The following PDSS2 variants were observed in gnomAD, a reference collection of about 807,000 sequenced individuals.
PDSS2 encodes all trans-polyprenyl-diphosphate synthase PDSS2.
A neutral mutation model predicts 44.5 loss-of-function variants in PDSS2; 31 were observed. The ratio of observed to expected loss-of-function variants is 0.70; its 90% CI spans 0.52 to 0.94. PDSS2 has a LOEUF of 0.94. PDSS2 is among the 40% of genes least tolerant of loss of function. The probability of loss-of-function intolerance (pLI) is 0.00; values close to 1 mark genes in which losing one functional copy is unlikely to be tolerated. For synonymous variants in PDSS2, 157 were observed against 180.3 expected (o/e 0.87, Z 1.03); for missense variants, 452 against 482.2 (o/e 0.94, Z 0.59).
chr6:107,165,738 C>G (rs1417612815), intron 7 of PDSS2, among the ~76,000 whole-genome samples: 7 of 152,178 alleles, frequency 4.6e-5, no homozygotes, highest in African/African-American at 1.7e-4. Context: ...GGCATTGAAT[C>G]TATAAATTAC....
chr6:107,391,083 A>G (rs990780008), intron 1 of PDSS2, among the ~76,000 whole-genome samples: 1 of 149,992 alleles, frequency 6.7e-6, no homozygotes, highest in Non-Finnish European at 1.5e-5. Context: ...ATTTGTGATT[A>G]AAAGACTTTT....
intron 2 of PDSS2, among the ~76,000 whole-genome samples, chr6:107,326,920 T>C (rs946681854): frequency 4.6e-5 from 7 of 152,196 alleles, no homozygotes; most frequent in African/African-American, 1.7e-4. Context: ...GTATCCATTA[T>C]GTATCCTGGC....
chr6:107,386,022 G>A (rs1779601313), intron 1 of PDSS2, among the ~76,000 whole-genome samples: 1 of 152,132 alleles, frequency 6.6e-6, no homozygotes. Flanking sequence ...TATGTTAAAT[G>A]AAGGTAAGTT....
At chr6:107,257,623 C>CT (rs1045174794) in intron 3 of PDSS2, among the ~76,000 whole-genome samples, 16 of 149,090 alleles carry the variant, frequency 1.1e-4, no homozygotes, top group African/African-American at 2.2e-4. Context: ...ATACAATTGG[C>CT]TTTTTTTTTT....
intron 1 of PDSS2, among the ~76,000 whole-genome samples, chr6:107,356,245 C>T (rs941180424): frequency 6.6e-6 from 1 of 152,204 alleles, no homozygotes; most frequent in Non-Finnish European, 1.5e-5. Flanking sequence ...AGTGTTTGAG[C>T]TGGTTATGAT....
rs1666278333 is a variant in PDSS2, at chr6:107,309,757, C to G, written c.431+24441G>C. On this transcript the variant is annotated intron_variant, in intron 2 of 7. Coordinates refer to ENST00000369037, the MANE Select transcript of PDSS2 (RefSeq NM_020381.4). ...ATTATTCTAATTATATTATTAATGG[C>G]ATATCTTAAGCTGTTACATGGCACT... 5.3e-5 allele frequency among the ~76,000 whole-genome samples: 8 copies of G among 152,154 alleles called. No homozygotes were observed. In the South Asian group the frequency reaches 1.7e-3, roughly 32 times the overall value.
chr6:107,184,127 C>T (rs12213684), intron 7 of PDSS2, among the ~76,000 whole-genome samples: 2 of 151,834 alleles, frequency 1.3e-5, no homozygotes, highest in Non-Finnish European at 2.9e-5. Flanking sequence ...ATGTAAAGTC[C>T]CAGGGTAGGA....
rs1770803138 is a variant in PDSS2, at chr6:107,154,198, C to A, written c.*421G>T. 1 of 204,048 alleles carries A rather than the reference C, an allele frequency of 4.9e-6. No individual in the cohort carries two copies. Among genetic ancestry groups the A allele is most frequent in the South Asian group, 8.9e-5 (1 of 11,286 alleles). The allele number at this position is 204,048 out of a possible 1,614,324, so 12.6% of individuals were successfully genotyped here. On this transcript the variant is annotated 3_prime_UTR_variant, in exon 8 of 8. Coordinates refer to ENST00000369037, the MANE Select transcript of PDSS2 (RefSeq NM_020381.4). The stretch of plus-strand genomic sequence containing the variant: ...GTCACTAGTTTTTGATTAGACAATC[C>A]TCCCTGGTTGGTATTGAGAGCATTT...
In PDSS2 at chr6:107,212,240, C is replaced by A; in HGVS notation, c.745G>T (p.Glu249Ter). 1.2e-6 allele frequency: 2 copies of A among 1,613,830 alleles called. No homozygotes were observed. The highest frequency in any genetic ancestry group is 1.7e-6 in the Non-Finnish European group (2 of 1,179,824). The change falls in exon 5 of 8, where the codon GAG becomes TAG. Residue 249 changes from glutamate (E) to a stop codon, truncating the protein, a stop_gained. Coordinates refer to ENST00000369037, the MANE Select transcript of PDSS2 (RefSeq NM_020381.4). LOFTEE classifies it high-confidence loss of function. ...GCACCATGGGAGAGAAAAGTCTGCT[C>A]CTTCCAAGTCGATATTCCAATATCA... ...TDDIGISTWK[E>*]QTFLSHGALL...
intron 1 of PDSS2, among the ~76,000 whole-genome samples, chr6:107,367,639 A>G (rs1778998732): frequency 6.6e-6 from 1 of 152,036 alleles, no homozygotes; most frequent in South Asian, 2.1e-4. Flanking sequence ...CAAAAAAATT[A>G]GCCAGGTGCG....
At chr6:107,381,904 C>A (rs1205556130) in intron 1 of PDSS2, among the ~76,000 whole-genome samples, 1 of 152,152 alleles carries the variant, frequency 6.6e-6, no homozygotes, top group African/African-American at 2.4e-5. Context: ...ACTAGCTGCA[C>A]AGTTTATACA....
chr6:107,428,511 T>C (rs936630968), intron 1 of PDSS2, among the ~76,000 whole-genome samples: 3 of 152,132 alleles, frequency 2.0e-5, no homozygotes, highest in African/African-American at 7.2e-5. Flanking sequence ...GTATCAAGTA[T>C]ATGCTGGGCA....
At chr6:107,413,742 G>A (rs72941745) in intron 1 of PDSS2, among the ~76,000 whole-genome samples, 10,534 of 152,284 alleles carry the variant, frequency 0.069, 431 homozygotes, top group Non-Finnish European at 0.092. Flanking sequence ...TGGGATTACA[G>A]GCGTGATACA....
chr6:107,439,213 G>A (rs555900970), intron 1 of PDSS2, among the ~76,000 whole-genome samples: 7 of 152,294 alleles, frequency 4.6e-5, no homozygotes, highest in African/African-American at 1.7e-4. Context: ...AATGAATACA[G>A]GTATTGAAAC....
chr6:107,396,372 C>T (rs1272418155), intron 1 of PDSS2, among the ~76,000 whole-genome samples: 1 of 152,208 alleles, frequency 6.6e-6, no homozygotes, highest in Non-Finnish European at 1.5e-5. Context: ...CTGGAAGTTG[C>T]CTCCAGGCAG....
chr6:107,326,599 C>T (rs1017120333), intron 2 of PDSS2, among the ~76,000 whole-genome samples: 2 of 151,742 alleles, frequency 1.3e-5, no homozygotes, highest in Admixed American at 6.6e-5. Context: ...CGCCTGTAAT[C>T]CCAGCACTTT....
At chr6:107,240,354 T>G (rs1774377622) in intron 4 of PDSS2, among the ~76,000 whole-genome samples, 2 of 151,302 alleles carry the variant, frequency 1.3e-5, no homozygotes, top group African/African-American at 2.4e-5. Flanking sequence ...TGAGCTAGGA[T>G]GACACCACTG....
chr6:107,269,537 G>A (rs1775527641), intron 3 of PDSS2, among the ~76,000 whole-genome samples: 1 of 152,036 alleles, frequency 6.6e-6, no homozygotes, highest in South Asian at 2.1e-4. Flanking sequence ...TCTAATGGAA[G>A]TTTTGTTTTG....
chr6:107,293,867 A>T (rs558109314), intron 2 of PDSS2, among the ~76,000 whole-genome samples: 1 of 152,328 alleles, frequency 6.6e-6, no homozygotes, highest in East Asian at 1.9e-4. Context: ...TTACCTATGA[A>T]TACTGGAGAC....
Sources: allele counts gnomAD v4.1 joint callset (sites outside exome capture counted in the v4.1 genomes callset), GRCh38; gene constraint gnomAD v4.1.1; transcripts MANE v1.5; gene names NCBI Gene and HGNC (gene_info 2026-07-23, HGNC 2026-07-21).